The following CASR variants were observed in gnomAD, a reference collection of about 807,000 sequenced individuals.
The protein encoded by CASR is extracellular calcium-sensing receptor.
Under a neutral mutation model 69.1 loss-of-function variants are expected in CASR, and 23 were observed. The observed-to-expected ratio is 0.33, with a 90% confidence interval of 0.24 to 0.47. CASR has a LOEUF of 0.47. Ranked by LOEUF, CASR falls within the 20% of genes least tolerant of loss-of-function variation. The probability of loss-of-function intolerance (pLI) is 1.00; values close to 1 mark genes in which losing one functional copy is unlikely to be tolerated. For synonymous variants in CASR, 541 were observed against 544.7 expected (o/e 0.99, Z 0.10); for missense variants, 924 against 1,356.1 (o/e 0.68, Z 5.00).
chr3:122,202,024 G>A lies in CASR; in HGVS notation c.-243+18212G>A, dbSNP rs540785867. ...TCACTTCCCAGATGGGGTGGCAGCCGGGCAGAGGCTGCAATCTCGGCACTT... is the reference window on the plus strand; with the variant it reads ...TCACTTCCCAGATGGGGTGGCAGCCAGGCAGAGGCTGCAATCTCGGCACTT... On this transcript the variant is annotated intron_variant, in intron 1 of 6. Coordinates refer to ENST00000639785, the MANE Select transcript of CASR (RefSeq NM_000388.4). Among the ~76,000 whole-genome samples, 362 of 152,302 alleles carry A rather than the reference G, an allele frequency of 2.4e-3. 2 individuals carry two copies. The highest frequency in any genetic ancestry group is 7.6e-3 in the African/African-American group (315 of 41,560).
At chr3:122,197,579 CT>C (rs1043232539) in intron 1 of CASR, among the ~76,000 whole-genome samples, 2 of 152,124 alleles carry the variant, frequency 1.3e-5, no homozygotes, top group African/African-American at 2.4e-5. Context: ...TTTAATAACT[CT>C]TTTTTTCTTA....
At chr3:122,203,108 A>G (rs974837715) in intron 1 of CASR, among the ~76,000 whole-genome samples, 1 of 152,200 alleles carries the variant, frequency 6.6e-6, no homozygotes, top group Non-Finnish European at 1.5e-5. Context: ...CTTCTGAGGT[A>G]TTGACTGTTT....
chr3:122,282,987 C>T (rs939694542), intron 6 of CASR, among the ~76,000 whole-genome samples: 26 of 152,310 alleles, frequency 1.7e-4, no homozygotes, highest in African/African-American at 6.3e-4. Context: ...CTGCATACTG[C>T]CTGGGAGTTA....
chr3:122,265,489 A>T (rs1193068455), intron 4 of CASR, among the ~76,000 whole-genome samples: 1 of 152,164 alleles, frequency 6.6e-6, no homozygotes, highest in African/African-American at 2.4e-5. Context: ...ATCCAGAACC[A>T]TGCCTGTATT....
At chr3:122,185,094 A>G (rs1462942366) in intron 1 of CASR, among the ~76,000 whole-genome samples, 2 of 152,140 alleles carry the variant, frequency 1.3e-5, no homozygotes, top group Non-Finnish European at 2.9e-5. Flanking sequence ...GAAAAAAAAA[A>G]GGCATACCAG....
At position 122,186,093 on chromosome 3, in the gene CASR, C is replaced by T. The variant is rs994835185; in HGVS notation, c.-243+2281C>T. ...ACCAGTTTTTGTCTCTATGATAAAA[C>T]AGAGTGGTTGAAATTAAATTAGTTA... is the stretch of plus-strand genomic sequence containing the variant. On this transcript the variant is annotated intron_variant, in intron 1 of 6. Transcript: ENST00000639785. Among the ~76,000 whole-genome samples the T allele has an allele frequency of 9.2e-5, 14 of 151,688 alleles. No individual in the cohort carries two copies. The East Asian group carries it at 2.7e-3, about 29-fold the overall frequency.
chr3:122,209,043 A>G (rs116461898), intron 1 of CASR, among the ~76,000 whole-genome samples: 112 of 152,262 alleles, frequency 7.4e-4, no homozygotes, highest in African/African-American at 2.6e-3. Flanking sequence ...CCAGCCAAAA[A>G]CCACCTCCTA....
chr3:122,256,098 A>G (rs2074551818), intron 2 of CASR, among the ~76,000 whole-genome samples: 1 of 152,256 alleles, frequency 6.6e-6, no homozygotes, highest in Non-Finnish European at 1.5e-5. Context: ...TTTTAGATAT[A>G]AAGTATAAAT....
rs866536776 is a variant in CASR, at chr3:122,254,261, G to A, written c.72G>A (p.Gln24=). The A allele has an allele frequency of 6.2e-7, 1 of 1,614,052 alleles. No individual in the cohort carries two copies. Among genetic ancestry groups the A allele is most frequent in the Non-Finnish European group, 8.5e-7 (1 of 1,179,998 alleles). ...TWHTSAYGPD[Q]RAQKKGDIIL... ...ACACCTCTGCCTACGGGCCAGACCA[G>A]CGAGCCCAAAAGAAGGGGGACATTA... is the stretch of plus-strand genomic sequence containing the variant. Residue 24 remains glutamine, a synonymous_variant, in exon 2 of 7, where the codon CAG becomes CAA. Coordinates refer to ENST00000639785, the MANE Select transcript of CASR (RefSeq NM_000388.4).
intron 1 of CASR, among the ~76,000 whole-genome samples, chr3:122,202,550 T>A (rs938392249): frequency 1.3e-5 from 2 of 152,184 alleles, no homozygotes; most frequent in Non-Finnish European, 2.9e-5. Flanking sequence ...TTTCTTTCAA[T>A]AGGAATGCTA....
rs1002023426 is a variant in CASR at position 122,260,132 on chromosome 3, G to C, written c.493-1396G>C. Among the ~76,000 whole-genome samples the C allele has an allele frequency of 2.6e-5, 4 of 152,112 alleles. No homozygotes were observed. In the South Asian group the frequency reaches 8.3e-4, roughly 32 times the overall value. ...AGAGTGCTGCAAATGAGCTGAAGCC[G>C]GCCTCATCAAAGATGTGGATCTCCT... On this transcript the variant is annotated intron_variant, in intron 3 of 6. Coordinates refer to ENST00000639785, the MANE Select transcript of CASR (RefSeq NM_000388.4).
At chr3:122,215,253 C>T (rs147760609) in intron 1 of CASR, among the ~76,000 whole-genome samples, 7 of 152,316 alleles carry the variant, frequency 4.6e-5, no homozygotes, top group East Asian at 1.9e-4. Context: ...GGTATGTGCA[C>T]GACCAAATGA....
chr3:122,245,015 T>C (rs1308792994), intron 1 of CASR, among the ~76,000 whole-genome samples: 4 of 152,276 alleles, frequency 2.6e-5, no homozygotes, highest in Middle Eastern at 6.8e-3. Flanking sequence ...AGTAATGTAC[T>C]TGTCTGTGTG....
At chr3:122,196,838 A>T (rs963310230) in intron 1 of CASR, among the ~76,000 whole-genome samples, 3 of 152,154 alleles carry the variant, frequency 2.0e-5, no homozygotes, top group Non-Finnish European at 2.9e-5. Flanking sequence ...TCACAAATAA[A>T]ATTATATATG....
intron 1 of CASR, among the ~76,000 whole-genome samples, chr3:122,206,268 GTT>G (rs58014586): frequency 0.16 from 23,503 of 149,260 alleles, 1,870 homozygotes; most frequent in Non-Finnish European, 0.17. Context: ...TTTGATGAGG[GTT>G]TTTTTTTTTA....
At position 122,254,291 on chromosome 3, in the gene CASR, TG is replaced by T. The variant is rs886041823; in HGVS notation, c.108del (p.Leu37SerfsTer8). On this transcript the variant is annotated frameshift_variant, in exon 2 of 7. Coordinates refer to ENST00000639785, the MANE Select transcript of CASR (RefSeq NM_000388.4). LOFTEE classifies it high-confidence loss of function. ...RAQKKGDIIL[G>X]GLFPIHFGVA... Reference sequence around the variant, plus strand: ...CCCAAAAGAAGGGGGACATTATCCTTGGGGGGCTCTTTCCTATTCATTTTGG... The same window carrying T: ...CCCAAAAGAAGGGGGACATTATCCTTGGGGGCTCTTTCCTATTCATTTTGG... 1.2e-6 allele frequency: 2 copies of T among 1,613,992 alleles called. No homozygotes were observed. The highest frequency in any genetic ancestry group is 1.3e-5 in the African/African-American group (1 of 74,878).
chr3:122,211,718 AAAATAAAAAT>A (rs2074068520), intron 1 of CASR, among the ~76,000 whole-genome samples: 2 of 152,206 alleles, frequency 1.3e-5, no homozygotes, highest in Admixed American at 1.3e-4. Flanking sequence ...CTGCCACCAA[AAAATAAAAAT>A]AAATAAAAAT....
At chr3:122,227,825 C>T (rs2074239680) in intron 1 of CASR, among the ~76,000 whole-genome samples, 1 of 152,204 alleles carries the variant, frequency 6.6e-6, no homozygotes, top group East Asian at 1.9e-4. Context: ...CAAACCTCAG[C>T]ATCATGCAAT....
chr3:122,218,980 A>G (rs1301091015), intron 1 of CASR, among the ~76,000 whole-genome samples: 3 of 152,236 alleles, frequency 2.0e-5, no homozygotes, highest in Admixed American at 6.5e-5. Context: ...TTCTGGGTAG[A>G]GGAAACAGTA....
Sources: gnomAD v4.1 joint callset for allele counts (sites outside exome capture counted in the v4.1 genomes callset) on GRCh38, gnomAD v4.1.1 for gene constraint, MANE v1.5 for transcripts, NCBI Gene and HGNC (gene_info 2026-07-23, HGNC 2026-07-21) for gene names.